The following CDH18 variants were observed in gnomAD, a reference collection of about 807,000 sequenced individuals.
CDH18 encodes cadherin-18.
Under a neutral mutation model 67.9 loss-of-function variants are expected in CDH18, and 31 were observed. That is an observed-to-expected ratio of 0.46 (90% CI 0.34 to 0.62). The LOEUF is 0.62. Ranked by LOEUF, CDH18 falls within the 20% of genes least tolerant of loss-of-function variation. CDH18 has a pLI of 0.01. For synonymous variants in CDH18, 362 were observed against 347.2 expected (o/e 1.04, Z -0.48); for missense variants, 890 against 975.5 (o/e 0.91, Z 1.17).
chr5:20,080,716 T>C (rs1417937954), intron 2 of CDH18, among the ~76,000 whole-genome samples: 1 of 71,016 alleles, frequency 1.4e-5, no homozygotes, highest in Non-Finnish European at 2.7e-5. Flanking sequence ...AGAAAAATGA[T>C]TAGGAAGAAG....
chr5:19,730,644 C>T (rs1561169583), intron 4 of CDH18, among the ~76,000 whole-genome samples: 1 of 152,174 alleles, frequency 6.6e-6, no homozygotes, highest in African/African-American at 2.4e-5. Context: ...ATTAAACCAT[C>T]AGAAAGCAGT....
chr5:19,722,111 T>C (rs966028903), intron 4 of CDH18, among the ~76,000 whole-genome samples: 1 of 152,194 alleles, frequency 6.6e-6, no homozygotes, highest in Non-Finnish European at 1.5e-5. Flanking sequence ...TGGAGTGCAG[T>C]GGTGCGATCT....
chr5:20,302,680 C>T (rs1736056069), intron 1 of CDH18, among the ~76,000 whole-genome samples: 1 of 152,138 alleles, frequency 6.6e-6, no homozygotes, highest in Admixed American at 6.5e-5. Flanking sequence ...TTTAAAAAGC[C>T]ACTGTACCGT....
At position 20,237,473 on chromosome 5, in the gene CDH18, T is replaced by G. The variant is rs537916603; in HGVS notation, c.-518+17971A>C. Among the ~76,000 whole-genome samples the G allele has an allele frequency of 2.0e-5, 3 of 151,974 alleles. No individual in the cohort carries two copies. The East Asian group carries it at 5.8e-4, about 29-fold the overall frequency. On this transcript the variant is annotated intron_variant, in intron 2 of 14. Coordinates refer to the CDH18 transcript ENST00000507958. ...GTAGTATACTTAATAACAAGTAAATTTGCAAGATATAAAATCAAACACAAA... is the reference window on the plus strand; with the variant it reads ...GTAGTATACTTAATAACAAGTAAATGTGCAAGATATAAAATCAAACACAAA...
chr5:19,479,020 G>C (rs1161739713), intron 12 of CDH18, among the ~76,000 whole-genome samples: 1 of 152,196 alleles, frequency 6.6e-6, no homozygotes, highest in Non-Finnish European at 1.5e-5. Context: ...CGTATACATA[G>C]ATGGATTCCG....
At chr5:20,420,713 A>G (rs915113158) in intron 1 of CDH18, among the ~76,000 whole-genome samples, 1 of 151,350 alleles carries the variant, frequency 6.6e-6, no homozygotes, top group African/African-American at 2.5e-5. Flanking sequence ...TGTCATTTAA[A>G]GAGTCTACAA....
intron 5 of CDH18, among the ~76,000 whole-genome samples, chr5:19,656,348 AT>A (rs1018878101): frequency 8.6e-5 from 13 of 151,882 alleles, no homozygotes; most frequent in African/African-American, 7.3e-5. Context: ...TTTTTAAATC[AT>A]TTTTTTCTTA....
intron 2 of CDH18, among the ~76,000 whole-genome samples, chr5:20,157,037 T>C (rs1751585952): frequency 6.6e-6 from 1 of 152,152 alleles, no homozygotes; most frequent in Non-Finnish European, 1.5e-5. Context: ...GTGATGACTT[T>C]TAAGTGTGTA....
chr5:19,631,759 AT>A (rs1274913262), intron 5 of CDH18, among the ~76,000 whole-genome samples: 75 of 152,268 alleles, frequency 4.9e-4, no homozygotes, highest in African/African-American at 1.8e-3. Context: ...TATCATTGGC[AT>A]TTATATGTGT....
At chr5:20,109,004 G>A (rs1156684550) in intron 2 of CDH18, among the ~76,000 whole-genome samples, 1 of 152,170 alleles carries the variant, frequency 6.6e-6, no homozygotes, top group Non-Finnish European at 1.5e-5. Flanking sequence ...AGTGTTAGCT[G>A]TTATGAATCA....
chr5:19,845,222 G>A (rs1159996844), intron 2 of CDH18, among the ~76,000 whole-genome samples: 1 of 151,782 alleles, frequency 6.6e-6, no homozygotes, highest in Non-Finnish European at 1.5e-5. Context: ...TTTCCTTGTT[G>A]GTTGACCCCA....
At chr5:20,505,438 G>A (rs1199130792) in intron 1 of CDH18, among the ~76,000 whole-genome samples, 1 of 151,608 alleles carries the variant, frequency 6.6e-6, no homozygotes, top group Non-Finnish European at 1.5e-5. Context: ...TTCTTTTTTT[G>A]GTAGATATTA....
At chr5:19,709,686 A>G (rs921020587) in intron 5 of CDH18, among the ~76,000 whole-genome samples, 1 of 151,820 alleles carries the variant, frequency 6.6e-6, no homozygotes, top group African/African-American at 2.4e-5. Context: ...AAAAGAAAGA[A>G]AAGAAAAGGA....
chr5:19,877,999 T>G (rs1251680481), intron 2 of CDH18: 6 of 152,124 alleles, frequency 3.9e-5, no homozygotes, highest in African/African-American at 1.4e-4. Context: ...ATTACCACTT[T>G]CCTTATTGAC....
chr5:20,159,668 G>T (rs1751822248), intron 2 of CDH18, among the ~76,000 whole-genome samples: 1 of 152,064 alleles, frequency 6.6e-6, no homozygotes, highest in South Asian at 2.1e-4. Context: ...TGGTATTAAA[G>T]GTAGCAAAGG....
At chr5:20,349,359 G>A (rs1195659298) in intron 1 of CDH18, among the ~76,000 whole-genome samples, 5 of 152,006 alleles carry the variant, frequency 3.3e-5, no homozygotes, top group Admixed American at 6.6e-5. Context: ...ATTTACATCC[G>A]TTAAAAATGC....
At chr5:20,038,416 A>T (rs1740089487) in intron 2 of CDH18, among the ~76,000 whole-genome samples, 1 of 152,068 alleles carries the variant, frequency 6.6e-6, no homozygotes, top group South Asian at 2.1e-4. Context: ...ATTTAAGGCC[A>T]ATATCCCTGC....
At chr5:20,315,430 A>T (rs1737376544) in intron 1 of CDH18, among the ~76,000 whole-genome samples, 3 of 152,188 alleles carry the variant, frequency 2.0e-5, no homozygotes, top group African/African-American at 4.8e-5. Flanking sequence ...ACATTATTGT[A>T]TTCTCTTGCT....
At chr5:20,457,960 T>C (rs370486729) in intron 1 of CDH18, among the ~76,000 whole-genome samples, 1 of 152,202 alleles carries the variant, frequency 6.6e-6, no homozygotes, top group Non-Finnish European at 1.5e-5. Context: ...GTGATGCTTA[T>C]CTTCCCATTC....
Sources: allele counts gnomAD v4.1 joint callset (sites outside exome capture counted in the v4.1 genomes callset), GRCh38; gene constraint gnomAD v4.1.1; transcripts MANE v1.5; gene names NCBI Gene and HGNC (gene_info 2026-07-23, HGNC 2026-07-21).